The following PUS1 variants were observed in gnomAD, a reference collection of about 807,000 sequenced individuals.
PUS1 encodes pseudouridylate synthase 1 homolog.
Under a neutral mutation model 38.5 loss-of-function variants are expected in PUS1, and 25 were observed. The ratio of observed to expected loss-of-function variants is 0.65; its 90% CI spans 0.47 to 0.91. The LOEUF is 0.91. Ranked by LOEUF, PUS1 falls within the 40% of genes least tolerant of loss-of-function variation. PUS1 has a pLI of 0.00. For synonymous variants in PUS1, 282 were observed against 260.4 expected (o/e 1.08, Z -0.80); for missense variants, 597 against 612.3 (o/e 0.97, Z 0.26).
chr12:131,932,672 A>T (rs1890658097), intron 3 of PUS1: 1 of 422,348 alleles, frequency 2.4e-6, no homozygotes, highest in Admixed American at 3.5e-5. Context: ...CTGCAAAGGC[A>T]GAGAGCCACA....
At chr12:131,943,083 G>A (rs1891161086) in intron 5 of PUS1, among the ~76,000 whole-genome samples, 2 of 152,244 alleles carry the variant, frequency 1.3e-5, no homozygotes, top group South Asian at 4.1e-4. Flanking sequence ...GGAAACCAGC[G>A]TTGCATACTG....
chr12:131,940,557 A>G (rs965914480), intron 4 of PUS1, among the ~76,000 whole-genome samples: 2 of 152,012 alleles, frequency 1.3e-5, no homozygotes, highest in African/African-American at 4.8e-5. Context: ...TGTTGATTTT[A>G]CCCACTGTTA....
At chr12:131,932,071 G>C (rs1890625568) in intron 2 of PUS1, 104 bp from the exon 3 acceptor site, 1 of 950,908 alleles carries the variant, frequency 1.1e-6, no homozygotes, top group African/African-American at 1.6e-5. Context: ...AGCACTTCAG[G>C]AGGCCAGAGG....
rs751062624 is a variant in PUS1, at chr12:131,941,830, G to A, written c.1083G>A (p.Glu361=). ...ATGAGCCGCTGGACTGGGCGCAGGA[G>A]GAAGGAAAGGTCGCAGCCTTCAAGG... ...GLHEPLDWAQ[E]EGKVAAFKEE... The change falls in exon 5 of 6, where the codon GAG becomes GAA. Residue 361 remains glutamate (E), a synonymous_variant. Coordinates refer to ENST00000376649, the MANE Select transcript of PUS1 (RefSeq NM_025215.6). The surrounding 1 kb of genome is among the most constrained non-coding windows in gnomAD (Gnocchi z 4.4). The A allele has an allele frequency of 7.4e-6, 12 of 1,614,034 alleles. No homozygotes were observed. The Admixed American group carries it at 8.3e-5, about 11-fold the overall frequency.
In PUS1 at chr12:131,939,281, C is replaced by T. The variant is rs570455002; in HGVS notation, c.544+6C>T. The T allele has an allele frequency of 6.5e-5, 100 of 1,537,794 alleles. No individual in the cohort carries two copies. The South Asian group carries it at 1.1e-3, about 17-fold the overall frequency. On this transcript the variant is annotated splice_donor_region_variant and intron_variant, in intron 4 of 5. Transcript: ENST00000376649. ...CTCTCACATTCGGATTCTGGGTAAG[C>T]CTTGCAGTGCAGGCGGCCACACACC...
intron 3 of PUS1, among the ~76,000 whole-genome samples, chr12:131,933,105 C>A (rs753217451): frequency 3.3e-5 from 5 of 151,942 alleles, no homozygotes; most frequent in Non-Finnish European, 7.4e-5. Context: ...CTTCCCTAGA[C>A]ACTTGGGGAT....
chr12:131,932,284 C>T lies in PUS1; in HGVS notation c.413C>T (p.Ser138Phe). ...ENHGEDMRKM[S>F]FQRCARTDKG... ...CATGGTGAGGACATGAGGAAAATGT[C>T]CTTCCAGCGCTGCGCCCGGACAGAC... is the stretch of plus-strand genomic sequence containing the variant. Residue 138 changes from serine to phenylalanine, a missense_variant, in exon 3 of 6, where the codon TCC (serine) becomes TTC (phenylalanine). Ser to Phe is a radical substitution (Grantham distance 155). Coordinates refer to ENST00000376649, the MANE Select transcript of PUS1 (RefSeq NM_025215.6). 2 of 1,613,888 alleles carry T rather than the reference C, an allele frequency of 1.2e-6. No homozygotes were observed. The highest frequency in any genetic ancestry group is 1.7e-6 in the Non-Finnish European group (2 of 1,180,008).
At chr12:131,934,335 T>G (rs1890734268) in intron 3 of PUS1, among the ~76,000 whole-genome samples, 1 of 152,168 alleles carries the variant, frequency 6.6e-6, no homozygotes, top group South Asian at 2.1e-4. Context: ...TTTGCCGGTC[T>G]GTGAAGTAAC....
intron 3 of PUS1, among the ~76,000 whole-genome samples, chr12:131,933,965 A>G (rs534694894): frequency 2.6e-5 from 4 of 152,316 alleles, no homozygotes; most frequent in Admixed American, 1.3e-4. Context: ...TGTCATCTCA[A>G]GTGATTGATA....
At chr12:131,933,663 G>C (rs994779254) in intron 3 of PUS1, among the ~76,000 whole-genome samples, 1 of 152,244 alleles carries the variant, frequency 6.6e-6, no homozygotes, top group Non-Finnish European at 1.5e-5. Flanking sequence ...CTGTGCTTGG[G>C]ACTGAACCAT....
chr12:131,942,628 G>A (rs901446679), intron 5 of PUS1, among the ~76,000 whole-genome samples: 21 of 152,290 alleles, frequency 1.4e-4, no homozygotes, highest in East Asian at 7.7e-4. Flanking sequence ...GGATGGTCTT[G>A]ATCTCCTGAC....
intron 5 of PUS1, 109 bp downstream of exon 5, chr12:131,942,092 C>T: frequency 9.8e-7 from 1 of 1,024,686 alleles, no homozygotes; most frequent in Non-Finnish European, 1.5e-6. Flanking sequence ...CCCGCAAGGC[C>T]ACACAGCTGC....
chr12:131,935,116 G>A (rs1890767150), intron 3 of PUS1, among the ~76,000 whole-genome samples: 1 of 146,814 alleles, frequency 6.8e-6, no homozygotes, highest in African/African-American at 2.5e-5. Flanking sequence ...TTCACTCCTA[G>A]TGGGTGAGAA....
chr12:131,938,669 G>A (rs1293441811), intron 3 of PUS1, among the ~76,000 whole-genome samples: 1 of 150,632 alleles, frequency 6.6e-6, no homozygotes, highest in African/African-American at 2.4e-5. Flanking sequence ...TTGGTTCTAA[G>A]TTGTGTTTTC....
At chr12:131,943,071 A>G (rs1891160678) in intron 5 of PUS1, among the ~76,000 whole-genome samples, 1 of 152,240 alleles carries the variant, frequency 6.6e-6, no homozygotes. Flanking sequence ...AATGTTATCA[A>G]GGGAAACCAG....
chr12:131,942,552 G>T (rs555602010), intron 5 of PUS1, among the ~76,000 whole-genome samples: 1 of 152,004 alleles, frequency 6.6e-6, no homozygotes, highest in Non-Finnish European at 1.5e-5. Flanking sequence ...GACTACAGGC[G>T]CCCACCACCA....
chr12:131,931,581 G>A (rs1307995985), intron 2 of PUS1: 2 of 154,140 alleles, frequency 1.3e-5, no homozygotes, highest in African/African-American at 2.4e-5. Flanking sequence ...TTGAGACAGA[G>A]TTTTCCTCTG....
At position 131,943,769 on chromosome 12, in the gene PUS1, T is replaced by C. The variant is rs553745239; in HGVS notation, c.*183T>C. The C allele has an allele frequency of 3.2e-6, 2 of 622,460 alleles. No individual in the cohort carries two copies. Among genetic ancestry groups the C allele is most frequent in the African/African-American group, 3.6e-5 (2 of 54,860 alleles). The allele number at this position is 622,460 out of a possible 1,614,324, so 38.6% of individuals were successfully genotyped here. ...CTTTCTCGAATCTGTTTTCAGCTCT[T>C]GCATTGCATAGATGAACCTCAGCAT... On this transcript the variant is annotated 3_prime_UTR_variant, in exon 6 of 6. Coordinates refer to ENST00000376649, the MANE Select transcript of PUS1 (RefSeq NM_025215.6).
intron 3 of PUS1, 149 bp from the exon 4 acceptor site, chr12:131,939,024 A>G: frequency 1.4e-6 from 1 of 690,104 alleles, no homozygotes; most frequent in South Asian, 1.5e-5. Flanking sequence ...TACAGGCGTG[A>G]GCCACTATGC....
Sources: gnomAD v4.1 joint callset for allele counts (sites outside exome capture counted in the v4.1 genomes callset) on GRCh38, gnomAD v4.1.1 for gene constraint, Gnocchi (gnomAD v3.1) non-coding constraint, MANE v1.5 for transcripts, NCBI Gene and HGNC (gene_info 2026-07-23, HGNC 2026-07-21) for gene names.